Variants in XIRP2 observed in about 807,000 individuals in gnomAD.
The protein encoded by XIRP2 is xin actin-binding repeat-containing protein 2.
XIRP2 carries 236 observed loss-of-function variants against 277.0 expected under a neutral mutation model. That is an observed-to-expected ratio of 0.85 (90% confidence interval 0.77 to 0.95). The LOEUF (loss-of-function observed/expected upper bound fraction) is 0.95, where lower values mean the gene tolerates loss of function less well. XIRP2 is among the 40% of genes least tolerant of loss of function. XIRP2 has a pLI of 0.00. For synonymous variants in XIRP2, 1,490 were observed against 1,416.5 expected (o/e 1.05, Z -1.17); for missense variants, 4,640 against 4,157.5 (o/e 1.12, Z -3.19).
At chr2:167,015,794 T>C (rs899928474) in intron 2 of XIRP2, among the ~76,000 whole-genome samples, 3 of 151,754 alleles carry the variant, frequency 2.0e-5, no homozygotes, top group Non-Finnish European at 4.4e-5. Flanking sequence ...GAGATGTTGG[T>C]ATAATTTGTT....
At chr2:167,031,208 G>A (rs903838470) in intron 2 of XIRP2, among the ~76,000 whole-genome samples, 1 of 152,064 alleles carries the variant, frequency 6.6e-6, no homozygotes, top group African/African-American at 2.4e-5. Flanking sequence ...GGTTAACACT[G>A]TTATGTGTGA....
chr2:167,044,380 C>A (rs1025047860), intron 2 of XIRP2, among the ~76,000 whole-genome samples: 9 of 151,846 alleles, frequency 5.9e-5, no homozygotes, highest in African/African-American at 2.2e-4. Context: ...GGATACCCAC[C>A]CTCACCGCTC....
chr2:167,155,103 A>G (rs2105335146), intron 3 of XIRP2, among the ~76,000 whole-genome samples: 1 of 151,300 alleles, frequency 6.6e-6, no homozygotes, highest in East Asian at 1.9e-4. Context: ...GGCAATAATC[A>G]ATAGCTTACC....
intron 3 of XIRP2, among the ~76,000 whole-genome samples, chr2:167,159,636 G>A (rs1238641508): frequency 2.6e-5 from 4 of 151,546 alleles, no homozygotes; most frequent in African/African-American, 9.7e-5. Flanking sequence ...AAAATATGTT[G>A]GGAAAAATAT....
In XIRP2 at chr2:167,254,025, T is replaced by C. The variant is rs760042779; in HGVS notation, c.10556-7T>C. The C allele has an allele frequency of 1.3e-6, 2 of 1,574,442 alleles. No homozygotes were observed. The highest frequency in any genetic ancestry group is 1.7e-6 in the Non-Finnish European group (2 of 1,163,114). On this transcript the variant is annotated splice_region_variant and splice_polypyrimidine_tract_variant and intron_variant, in intron 9 of 10. Transcript: ENST00000409195. ...CTACAGAAGGCTTTGTAAATTTTTA[T>C]TTTTAGAAGCTGCTGCTCCAAGACA... is the stretch of plus-strand genomic sequence containing the variant.
intron 2 of XIRP2, among the ~76,000 whole-genome samples, chr2:167,053,744 A>G (rs1476862727): frequency 2.6e-5 from 4 of 152,216 alleles, no homozygotes; most frequent in Non-Finnish European, 5.9e-5. Flanking sequence ...ATCATTAAAC[A>G]TTTAATTTGT....
At chr2:166,967,075 C>A (rs1686452504) in intron 2 of XIRP2, among the ~76,000 whole-genome samples, 1 of 151,910 alleles carries the variant, frequency 6.6e-6, no homozygotes, top group African/African-American at 2.4e-5. Flanking sequence ...AGTTCTATGA[C>A]AAAATGTCAT....
At chr2:167,127,670 G>A (rs556238505) in intron 2 of XIRP2, among the ~76,000 whole-genome samples, 4 of 152,034 alleles carry the variant, frequency 2.6e-5, no homozygotes, top group South Asian at 2.1e-4. Flanking sequence ...CAGATATCTC[G>A]CCGCCTGCTG....
chr2:166,977,376 A>C (rs1558936041), intron 2 of XIRP2, among the ~76,000 whole-genome samples: 1 of 152,162 alleles, frequency 6.6e-6, no homozygotes, highest in Non-Finnish European at 1.5e-5. Context: ...ACTACTTGAC[A>C]TTATCTCATA....
At chr2:166,982,225 T>A (rs1686888823) in intron 2 of XIRP2, among the ~76,000 whole-genome samples, 1 of 151,996 alleles carries the variant, frequency 6.6e-6, no homozygotes, top group African/African-American at 2.4e-5. Context: ...CTTCAATTGT[T>A]CTTCCTTATG....
At chr2:166,913,431 G>T (rs1684774738) in intron 2 of XIRP2, among the ~76,000 whole-genome samples, 1 of 152,178 alleles carries the variant, frequency 6.6e-6, no homozygotes, top group Non-Finnish European at 1.5e-5. Flanking sequence ...ATCTCCTGGG[G>T]TGCCATTTGC....
At chr2:167,080,867 G>C (rs989436647) in intron 2 of XIRP2, among the ~76,000 whole-genome samples, 1 of 151,996 alleles carries the variant, frequency 6.6e-6, no homozygotes, top group Non-Finnish European at 1.5e-5. Flanking sequence ...CATGTTTAAG[G>C]TTGCATTGAG....
At chr2:167,094,769 C>T (rs1574250002) in intron 2 of XIRP2, among the ~76,000 whole-genome samples, 1 of 152,246 alleles carries the variant, frequency 6.6e-6, no homozygotes, top group African/African-American at 2.4e-5. Context: ...CAGCTTTATT[C>T]TTTTTGCTTA....
chr2:167,031,510 T>A (rs1688347321), intron 2 of XIRP2, among the ~76,000 whole-genome samples: 1 of 152,130 alleles, frequency 6.6e-6, no homozygotes, highest in Non-Finnish European at 1.5e-5. Context: ...TTAAGAATGT[T>A]GAATTTGTCC....
In XIRP2 at chr2:167,250,742, GC is replaced by G. The variant is rs1362154293; in HGVS notation, c.9353del (p.Pro3118HisfsTer9). 6.2e-7 allele frequency: 1 copy of G among 1,612,942 alleles called. No individual in the cohort carries two copies. Among genetic ancestry groups the G allele is most frequent in the Non-Finnish European group, 8.5e-7 (1 of 1,179,630 alleles). ...SNIPPPSLKT[R>X]PPSPTFITIE... ...ATTCCTCCTCCCTCTTTAAAAACAC[GC>G]CCACCGTCACCAACTTTTATCACAA... On this transcript the variant is annotated frameshift_variant, in exon 9 of 11. Coordinates refer to ENST00000409195, the MANE Select transcript of XIRP2 (RefSeq NM_152381.6). LOFTEE classifies it high-confidence loss of function.
intron 2 of XIRP2, among the ~76,000 whole-genome samples, chr2:167,011,958 T>C (rs1436834784): frequency 6.6e-6 from 1 of 152,118 alleles, no homozygotes; most frequent in African/African-American, 2.4e-5. Flanking sequence ...TTGATTCTTC[T>C]CTCTTTTCTT....
chr2:166,941,173 G>T (rs368307094), intron 2 of XIRP2, among the ~76,000 whole-genome samples: 1 of 152,150 alleles, frequency 6.6e-6, no homozygotes. Flanking sequence ...CCTCACTGCC[G>T]CCTTGCAGTT....
At position 167,248,929 on chromosome 2, in the gene XIRP2, A is replaced by G; in HGVS notation, c.7537A>G (p.Lys2513Glu). 6.2e-7 allele frequency: 1 copy of G among 1,613,812 alleles called. No individual in the cohort carries two copies. The highest frequency in any genetic ancestry group is 8.5e-7 in the Non-Finnish European group (1 of 1,179,814). ...TCCAGGAACTTCAGCACCCAGGAAAAAACAGATTGCGCCTCTTATAAAATC... is the reference window on the plus strand; with the variant it reads ...TCCAGGAACTTCAGCACCCAGGAAAGAACAGATTGCGCCTCTTATAAAATC... ...TVPGTSAPRK[K>E]QIAPLIKSHS... The change falls in exon 9 of 11, where the codon AAA becomes GAA. Residue 2513 changes from lysine to glutamate, a missense_variant. Physicochemically the swap from Lys to Glu is moderately conservative, Grantham distance 56. Coordinates refer to ENST00000409195, the MANE Select transcript of XIRP2 (RefSeq NM_152381.6).
chr2:167,025,399 A>G (rs561717830), intron 2 of XIRP2, among the ~76,000 whole-genome samples: 1 of 152,172 alleles, frequency 6.6e-6, no homozygotes, highest in South Asian at 2.1e-4. Context: ...TCTTTTCAAA[A>G]AACCAGCTGC....
Sources: allele counts gnomAD v4.1 joint callset (sites outside exome capture counted in the v4.1 genomes callset), GRCh38; gene constraint gnomAD v4.1.1; transcripts MANE v1.5; gene names NCBI Gene and HGNC (gene_info 2026-07-23, HGNC 2026-07-21).